RANBP2: variants seen among roughly 807,000 people sequenced by gnomAD.
RANBP2 encodes the protein E3 SUMO-protein ligase RanBP2.
Under a neutral mutation model 303.6 loss-of-function variants are expected in RANBP2, and 57 were observed. The observed-to-expected ratio is 0.19, with a 90% confidence interval of 0.15 to 0.23. The LOEUF is 0.23. Ranked by LOEUF, RANBP2 falls within the 10% of genes least tolerant of loss-of-function variation. The pLI is 1.00. For synonymous variants in RANBP2, 1,167 were observed against 1,301.5 expected (o/e 0.90, Z 2.23); for missense variants, 3,138 against 3,780.8 (o/e 0.83, Z 4.46).
the RANBP2 span, among the ~76,000 whole-genome samples, chr2:109,640,921 T>A: frequency 1.3e-5 from 2 of 152,210 alleles, no homozygotes; most frequent in South Asian, 4.2e-4. Context: ...TCCTGACACT[T>A]GGAGGCTATG....
the RANBP2 span, among the ~76,000 whole-genome samples, chr2:109,108,696 G>T: frequency 6.6e-6 from 1 of 152,212 alleles, no homozygotes; most frequent in Non-Finnish European, 1.5e-5. Flanking sequence ...AAAATTGAAA[G>T]GATGCAAAGT....
chr2:109,416,859 C>A, the RANBP2 span, among the ~76,000 whole-genome samples: 12 of 149,896 alleles, frequency 8.0e-5, no homozygotes, highest in African/African-American at 2.7e-4. Context: ...GAGCTGAGAT[C>A]GCGCCACTGC....
At chr2:108,856,418 C>A in the RANBP2 span, among the ~76,000 whole-genome samples, 1 of 152,110 alleles carries the variant, frequency 6.6e-6, no homozygotes, top group Non-Finnish European at 1.5e-5. Context: ...AAAACATAAT[C>A]TTAGAAAGCT....
At chr2:109,034,675 C>G in the RANBP2 span, among the ~76,000 whole-genome samples, 1 of 152,208 alleles carries the variant, frequency 6.6e-6, no homozygotes, top group Non-Finnish European at 1.5e-5. Context: ...CTCCTAGATT[C>G]ATTGCAAATA....
In RANBP2 at chr2:108,778,871, G is replaced by A. The variant is rs149018221; in HGVS notation, c.8599+1640G>A. 3.5e-3 allele frequency among the ~76,000 whole-genome samples: 527 copies of A among 152,158 alleles called. 6 individuals are homozygous for A. Among genetic ancestry groups the A allele is most frequent in the African/African-American group, 0.012 (500 of 41,524 alleles). ...AGCTTCCCAAGTAGCTGGGACCACA[G>A]GTGTGTACCACCATGCCTAGCTAAT... On this transcript the variant is annotated intron_variant, in intron 25 of 28. Coordinates refer to ENST00000283195, the MANE Select transcript of RANBP2 (RefSeq NM_006267.5).
the RANBP2 span, among the ~76,000 whole-genome samples, chr2:109,717,287 A>AAAAAAAAAC: frequency 6.6e-6 from 1 of 151,310 alleles, no homozygotes. Flanking sequence ...AAAAAAAAAA[A>AAAAAAAAAC]AAAACCCAGT....
intron 9 of RANBP2, among the ~76,000 whole-genome samples, chr2:108,749,487 G>A (rs1309808388): frequency 2.0e-5 from 3 of 151,924 alleles, no homozygotes; most frequent in Non-Finnish European, 4.4e-5. Context: ...TAGTAGAGAC[G>A]GGGTTTCATC....
At chr2:109,536,671 G>C in the RANBP2 span, among the ~76,000 whole-genome samples, 1 of 152,250 alleles carries the variant, frequency 6.6e-6, no homozygotes, top group East Asian at 1.9e-4. Flanking sequence ...TGAAATGTGA[G>C]GATGTGAGAT....
At chr2:109,500,682 C>T in the RANBP2 span, among the ~76,000 whole-genome samples, 1 of 152,172 alleles carries the variant, frequency 6.6e-6, no homozygotes, top group Non-Finnish European at 1.5e-5. Flanking sequence ...GGCACGGTGG[C>T]TCATGCTCGT....
chr2:109,277,607 C>T, the RANBP2 span, among the ~76,000 whole-genome samples: 7 of 152,164 alleles, frequency 4.6e-5, no homozygotes, highest in Admixed American at 3.9e-4. Flanking sequence ...CACTCCTCCG[C>T]GTGCGTAGCT....
chr2:108,924,630 C>T, the RANBP2 span, among the ~76,000 whole-genome samples: 1 of 152,178 alleles, frequency 6.6e-6, no homozygotes, highest in Non-Finnish European at 1.5e-5. Context: ...TCTGTGGGCT[C>T]CTGCCTTCCT....
the RANBP2 span, among the ~76,000 whole-genome samples, chr2:109,657,358 G>A: frequency 6.6e-6 from 1 of 152,130 alleles, no homozygotes; most frequent in South Asian, 2.1e-4. Context: ...TGAGGTGGGA[G>A]GATCACCTGA....
the RANBP2 span, among the ~76,000 whole-genome samples, chr2:109,620,606 G>A: frequency 8.8e-4 from 134 of 152,282 alleles, no homozygotes; most frequent in African/African-American, 3.2e-3. Flanking sequence ...GGAGGCTAAG[G>A]CAGGAGAATC....
intron 7 of RANBP2, among the ~76,000 whole-genome samples, chr2:108,742,313 A>G (rs535063748): frequency 6.2e-4 from 88 of 142,894 alleles, no homozygotes; most frequent in African/African-American, 2.2e-3. Context: ...AAATCTTTTT[A>G]TTTTTATTTG....
At chr2:109,167,047 G>A in the RANBP2 span, among the ~76,000 whole-genome samples, 1 of 152,190 alleles carries the variant, frequency 6.6e-6, no homozygotes, top group Non-Finnish European at 1.5e-5. Flanking sequence ...GTGTCCCGTG[G>A]GAATACCATG....
the RANBP2 span, among the ~76,000 whole-genome samples, chr2:109,147,059 T>G: frequency 1.5e-4 from 23 of 152,096 alleles, no homozygotes; most frequent in African/African-American, 4.6e-4. Context: ...TCCCAACAAC[T>G]GTCCAAACAA....
the RANBP2 span, among the ~76,000 whole-genome samples, chr2:109,314,512 A>G: frequency 6.6e-6 from 1 of 152,212 alleles, no homozygotes; most frequent in Non-Finnish European, 1.5e-5. Context: ...CCGTGCAGGA[A>G]TGAATTTCTC....
chr2:108,943,982 GC>G, the RANBP2 span, among the ~76,000 whole-genome samples: 2 of 152,248 alleles, frequency 1.3e-5, no homozygotes, highest in African/African-American at 2.4e-5. Flanking sequence ...TGAGGTGAAT[GC>G]ATGTGGAAGT....
At chr2:109,703,114 TAATAGGAA>T in the RANBP2 span, among the ~76,000 whole-genome samples, 2 of 152,128 alleles carry the variant, frequency 1.3e-5, no homozygotes, top group Non-Finnish European at 2.9e-5. Context: ...AGAGCTAAAG[TAATAGGAA>T]AAATAAATAC....
Sources: gnomAD v4.1 joint callset for allele counts (sites outside exome capture counted in the v4.1 genomes callset) on GRCh38, gnomAD v4.1.1 for gene constraint, MANE v1.5 for transcripts, NCBI Gene and HGNC (gene_info 2026-07-23, HGNC 2026-07-21) for gene names.